TENM4: variants seen among roughly 807,000 people sequenced by gnomAD.
The protein encoded by TENM4 is teneurin-4.
TENM4 carries 82 observed loss-of-function variants against 243.3 expected under a neutral mutation model. The ratio of observed to expected loss-of-function variants is 0.34; its 90% CI spans 0.28 to 0.40. TENM4 has a LOEUF of 0.40. TENM4 is among the 10% of genes least tolerant of loss of function. The probability of loss-of-function intolerance (pLI) is 1.00; values close to 1 mark genes in which losing one functional copy is unlikely to be tolerated. For synonymous variants in TENM4, 1,412 were observed against 1,456.3 expected (o/e 0.97, Z 0.69); for missense variants, 3,138 against 3,673.3 (o/e 0.85, Z 3.77).
intron 4 of TENM4, among the ~76,000 whole-genome samples, chr11:79,147,106 G>A (rs1016920992): frequency 1.3e-5 from 2 of 152,082 alleles, no homozygotes; most frequent in Admixed American, 6.6e-5. Flanking sequence ...TACACAGTCA[G>A]CTCATCTGAG....
intron 2 of TENM4, among the ~76,000 whole-genome samples, chr11:79,276,024 G>A (rs192556451): frequency 1.8e-4 from 28 of 152,300 alleles, no homozygotes; most frequent in Non-Finnish European, 2.9e-5. Flanking sequence ...GCCTAAAAAC[G>A]AGCAGATAAA....
In TENM4 at chr11:78,811,989, G is replaced by C. The variant is rs977001517; in HGVS notation, c.1978+133C>G. On this transcript the variant is annotated intron_variant, in intron 14 of 33. Coordinates refer to ENST00000278550, the MANE Select transcript of TENM4 (RefSeq NM_001098816.3). ...GATTAGTTACTGTTGCTGGTGGGTG[G>C]GCTCCTGGCTTGGGGAGGTGGGGTC... 26 of 1,081,596 alleles carry C rather than the reference G, an allele frequency of 2.4e-5. No individual in the cohort carries two copies. In the Admixed American group the frequency reaches 7.2e-4, roughly 30 times the overall value. The allele number at this position is 1,081,596 out of a possible 1,614,324, so 67.0% of individuals were successfully genotyped here.
intron 6 of TENM4, among the ~76,000 whole-genome samples, chr11:78,938,956 A>C (rs1432652731): frequency 6.6e-6 from 1 of 152,228 alleles, no homozygotes; most frequent in Non-Finnish European, 1.5e-5. Context: ...GCAAGACCAA[A>C]AGTCCATTTG....
At chr11:79,344,269 G>A (rs1427883640) in intron 1 of TENM4, among the ~76,000 whole-genome samples, 2 of 152,200 alleles carry the variant, frequency 1.3e-5, no homozygotes, top group East Asian at 1.9e-4. Context: ...GTGGCAGAGG[G>A]GGTGCTCAAA....
intron 3 of TENM4, among the ~76,000 whole-genome samples, chr11:79,167,829 G>A (rs1862949518): frequency 6.6e-6 from 1 of 152,218 alleles, no homozygotes; most frequent in South Asian, 2.1e-4. Flanking sequence ...GGCTCCTTCT[G>A]TGTCCACAGG....
intron 6 of TENM4, among the ~76,000 whole-genome samples, chr11:79,042,964 C>G (rs905689027): frequency 7.2e-5 from 11 of 152,202 alleles, no homozygotes; most frequent in African/African-American, 2.7e-4. Context: ...ATGTGGTGCC[C>G]AAGCACGTCT....
intron 12 of TENM4, among the ~76,000 whole-genome samples, chr11:78,818,082 CAG>C (rs943075732): frequency 1.3e-5 from 2 of 152,010 alleles, no homozygotes; most frequent in African/African-American, 4.8e-5. Flanking sequence ...GTATTCAATC[CAG>C]AGGAGGGTCT....
chr11:78,723,847 G>A (rs1327291182), intron 23 of TENM4, among the ~76,000 whole-genome samples: 2 of 152,092 alleles, frequency 1.3e-5, no homozygotes, highest in African/African-American at 4.8e-5. Context: ...TTGTTCAATG[G>A]ATAGCTTTAA....
At chr11:79,245,171 C>T (rs1180076203) in intron 2 of TENM4, among the ~76,000 whole-genome samples, 2 of 152,186 alleles carry the variant, frequency 1.3e-5, no homozygotes, top group African/African-American at 4.8e-5. Context: ...AAGTTGCCAT[C>T]CTGCACGTGG....
intron 3 of TENM4, among the ~76,000 whole-genome samples, chr11:79,163,755 A>G (rs1862810532): frequency 7.0e-6 from 1 of 142,622 alleles, no homozygotes; most frequent in Non-Finnish European, 1.5e-5. Context: ...ACTCCATGGT[A>G]TGTGTATATA....
intron 4 of TENM4, among the ~76,000 whole-genome samples, chr11:79,102,437 T>C (rs1861257075): frequency 6.6e-6 from 1 of 152,078 alleles, no homozygotes; most frequent in Non-Finnish European, 1.5e-5. Context: ...TCGAAAAATA[T>C]AAGAATATAC....
At chr11:79,324,025 G>A (rs567733117) in intron 1 of TENM4, among the ~76,000 whole-genome samples, 2 of 152,120 alleles carry the variant, frequency 1.3e-5, no homozygotes, top group Admixed American at 6.5e-5. Flanking sequence ...CAAGAGCTGT[G>A]GATGCTCAAG....
chr11:79,233,061 G>A (rs1295813437), intron 2 of TENM4, among the ~76,000 whole-genome samples: 1 of 152,216 alleles, frequency 6.6e-6, no homozygotes, highest in African/African-American at 2.4e-5. Flanking sequence ...GCAGGGTCAA[G>A]CCTTTGTATA....
intron 19 of TENM4, among the ~76,000 whole-genome samples, chr11:78,739,723 C>T (rs533545871): frequency 1.3e-5 from 2 of 152,228 alleles, no homozygotes; most frequent in East Asian, 1.9e-4. Flanking sequence ...TGGATGAAGT[C>T]GGGATGGAGG....
chr11:79,335,671 T>C (rs1387356499), intron 1 of TENM4, among the ~76,000 whole-genome samples: 1 of 152,188 alleles, frequency 6.6e-6, no homozygotes, highest in East Asian at 1.9e-4. Flanking sequence ...ATGAGGTCTG[T>C]TCCACCTCAG....
At chr11:78,899,943 T>C (rs574507405) in intron 7 of TENM4, among the ~76,000 whole-genome samples, 6 of 152,346 alleles carry the variant, frequency 3.9e-5, no homozygotes, top group Non-Finnish European at 7.3e-5. Flanking sequence ...CATTCCTTTA[T>C]AGCAACACTA....
intron 3 of TENM4, among the ~76,000 whole-genome samples, chr11:79,176,211 GGTCA>G (rs1863155622): frequency 6.6e-6 from 1 of 152,154 alleles, no homozygotes; most frequent in East Asian, 1.9e-4. Flanking sequence ...CTGCCCATAG[GGTCA>G]GTCATTCAAC....
chr11:78,991,699 G>C, intron 6 of TENM4, among the ~76,000 whole-genome samples: 1 of 152,212 alleles, frequency 6.6e-6, no homozygotes, highest in East Asian at 1.9e-4. Flanking sequence ...AGGGAGACCA[G>C]GTGGCACCTG....
intron 4 of TENM4, among the ~76,000 whole-genome samples, chr11:79,145,687 G>C (rs1183753210): frequency 6.6e-6 from 1 of 152,066 alleles, no homozygotes; most frequent in Non-Finnish European, 1.5e-5. Flanking sequence ...TATATGTTCA[G>C]CTTTAGCTGA....
Sources: gnomAD v4.1 joint callset for allele counts (sites outside exome capture counted in the v4.1 genomes callset) on GRCh38, gnomAD v4.1.1 for gene constraint, MANE v1.5 for transcripts, NCBI Gene and HGNC (gene_info 2026-07-23, HGNC 2026-07-21) for gene names.